Variants in AUTS2 observed in about 807,000 individuals in gnomAD.
AUTS2 encodes activator of transcription and developmental regulator AUTS2.
A neutral mutation model predicts 112.4 loss-of-function variants in AUTS2; 17 were observed. The observed-to-expected ratio is 0.15, with a 90% CI of 0.10 to 0.23. The LOEUF (loss-of-function observed/expected upper bound fraction) is 0.23, where lower values mean the gene tolerates loss of function less well. Among genes scored for constraint, AUTS2 ranks in the 10% least tolerant of loss-of-function variants. The pLI is 1.00. For missense variants in AUTS2, 1,510 were observed against 1,701.6 expected, an observed-to-expected ratio of 0.89 and a Z score of 1.98; for synonymous variants, 751 against 702.7, an observed-to-expected ratio of 1.07 and a Z score of -1.09.
At chr7:70,597,820 A>G (rs964485448) in intron 5 of AUTS2, among the ~76,000 whole-genome samples, 2 of 152,228 alleles carry the variant, frequency 1.3e-5, no homozygotes, top group African/African-American at 4.8e-5. Context: ...GATAATTAGC[A>G]CTTCAAGTAA....
intron 2 of AUTS2, among the ~76,000 whole-genome samples, chr7:70,022,891 G>T (rs926699934): frequency 2.0e-5 from 3 of 151,416 alleles, no homozygotes; most frequent in Admixed American, 1.3e-4. Flanking sequence ...TTGCTTTCTC[G>T]CCCAGGCCGG....
intron 4 of AUTS2, among the ~76,000 whole-genome samples, chr7:70,246,014 T>C (rs1338563788): frequency 6.6e-6 from 1 of 152,160 alleles, no homozygotes; most frequent in Non-Finnish European, 1.5e-5. Context: ...CTGAGCATGT[T>C]CTTTTGGGTT....
intron 1 of AUTS2, among the ~76,000 whole-genome samples, chr7:69,643,802 T>C (rs1235927775): frequency 6.6e-6 from 1 of 152,136 alleles, no homozygotes; most frequent in Non-Finnish European, 1.5e-5. Flanking sequence ...ATGTTGAAGC[T>C]CTAACCTCCA....
chr7:70,508,996 G>A (rs995247975), intron 5 of AUTS2, among the ~76,000 whole-genome samples: 3 of 152,154 alleles, frequency 2.0e-5, no homozygotes, highest in African/African-American at 7.2e-5. Context: ...CCCTATGGTT[G>A]CATACTTTTC....
intron 5 of AUTS2, among the ~76,000 whole-genome samples, chr7:70,509,082 A>G (rs1027733283): frequency 1.3e-5 from 2 of 152,206 alleles, no homozygotes; most frequent in Non-Finnish European, 2.9e-5. Context: ...TTCTCAAACC[A>G]CAGAAAGGAA....
chr7:70,290,668 A>T, intron 4 of AUTS2: 1 of 1,352,234 alleles, frequency 7.4e-7, no homozygotes, highest in Non-Finnish European at 9.4e-7. Context: ...TCTTTTCTCC[A>T]TTCCTCATCC....
chr7:69,871,596 G>GTC (rs937399498), intron 1 of AUTS2, among the ~76,000 whole-genome samples: 6 of 152,112 alleles, frequency 3.9e-5, no homozygotes, highest in African/African-American at 1.4e-4. Context: ...TGTGAATGTG[G>GTC]TCTCTCTCTC....
chr7:69,599,944 C>T lies in AUTS2; in HGVS notation c.291C>T (p.Val97=). 6.2e-7 allele frequency: 1 copy of T among 1,613,536 alleles called. No homozygotes were observed. Among genetic ancestry groups the T allele is most frequent in the Non-Finnish European group, 8.5e-7 (1 of 1,179,888 alleles). The change falls in exon 1 of 19, where the codon GTC becomes GTT. Residue 97 remains valine (V), a synonymous_variant. Transcript: ENST00000342771. The surrounding 1 kb of genome is among the most constrained non-coding windows in gnomAD (Gnocchi z 7.0). ...IIDGFAMTSF[V]TFEALEKDVA... ...ATGGATTTGCCATGACCAGCTTTGT[C>T]ACTTTTGAAGCGCTGGAGGTAAGGG...
intron 2 of AUTS2, among the ~76,000 whole-genome samples, chr7:69,928,437 G>C (rs541277247): frequency 1.8e-4 from 27 of 152,264 alleles, no homozygotes; most frequent in African/African-American, 6.0e-4. Context: ...TCAACATGCT[G>C]TCCACAGTAA....
chr7:70,313,773 G>A (rs1193363667), intron 4 of AUTS2, among the ~76,000 whole-genome samples: 1 of 152,134 alleles, frequency 6.6e-6, no homozygotes, highest in East Asian at 1.9e-4. Flanking sequence ...GTCTTAAATT[G>A]CAAAGAATTT....
At chr7:69,973,659 G>T (rs947730565) in intron 2 of AUTS2, among the ~76,000 whole-genome samples, 8 of 151,882 alleles carry the variant, frequency 5.3e-5, no homozygotes, top group African/African-American at 1.9e-4. Context: ...GTAGAATTTT[G>T]CCAAATGCTT....
chr7:70,151,530 A>G lies in AUTS2; in HGVS notation c.660+16959A>G, dbSNP rs149336856. Among the ~76,000 whole-genome samples, 173 of 152,196 alleles carry G rather than the reference A, an allele frequency of 1.1e-3. 1 individual carries two copies. The highest frequency in any genetic ancestry group is 2.3e-3 in the Non-Finnish European group (155 of 68,014). On this transcript the variant is annotated intron_variant, in intron 4 of 18. Transcript: ENST00000342771. Reference sequence around the variant, plus strand: ...TTCTTGTTGCCCAAGCTGGAGTGCAATGGTACTATTGTGGCCCACTGCAAC... The same window carrying G: ...TTCTTGTTGCCCAAGCTGGAGTGCAGTGGTACTATTGTGGCCCACTGCAAC...
At chr7:69,988,099 C>T (rs1270101702) in intron 2 of AUTS2, among the ~76,000 whole-genome samples, 1 of 152,128 alleles carries the variant, frequency 6.6e-6, no homozygotes, top group Non-Finnish European at 1.5e-5. Flanking sequence ...TGGTAAGTGC[C>T]TCTTGAAAGG....
intron 2 of AUTS2, among the ~76,000 whole-genome samples, chr7:69,991,985 G>A (rs1434611651): frequency 6.6e-6 from 1 of 152,158 alleles, no homozygotes; most frequent in Non-Finnish European, 1.5e-5. Flanking sequence ...GCATACTTAT[G>A]TAAGTGTTGC....
intron 5 of AUTS2, among the ~76,000 whole-genome samples, chr7:70,509,099 C>G (rs1382420049): frequency 6.6e-6 from 1 of 152,140 alleles, no homozygotes; most frequent in Non-Finnish European, 1.5e-5. Context: ...GGAATTTTCC[C>G]ACAATAATAA....
At chr7:69,903,283 T>C (rs1795037596) in intron 2 of AUTS2, among the ~76,000 whole-genome samples, 1 of 152,210 alleles carries the variant, frequency 6.6e-6, no homozygotes, top group South Asian at 2.1e-4. Flanking sequence ...AAATTATAAC[T>C]TCCTGAGAAG....
At chr7:70,520,411 G>C (rs558998813) in intron 5 of AUTS2, among the ~76,000 whole-genome samples, 1 of 152,060 alleles carries the variant, frequency 6.6e-6, no homozygotes, top group Non-Finnish European at 1.5e-5. Flanking sequence ...CCTGGAAAAC[G>C]CTAAATATGT....
chr7:69,630,155 G>T (rs1794160676), intron 1 of AUTS2, among the ~76,000 whole-genome samples: 1 of 152,138 alleles, frequency 6.6e-6, no homozygotes, highest in Admixed American at 6.5e-5. Flanking sequence ...TACTCTGGAG[G>T]CTGAGACAGG....
chr7:69,818,834 T>A (rs1226390184), intron 1 of AUTS2, among the ~76,000 whole-genome samples: 1 of 152,262 alleles, frequency 6.6e-6, no homozygotes, highest in African/African-American at 2.4e-5. Flanking sequence ...TCTATGCTCA[T>A]AAACACCTGG....
Sources: gnomAD v4.1 joint callset for allele counts (sites outside exome capture counted in the v4.1 genomes callset) on GRCh38, gnomAD v4.1.1 for gene constraint, Gnocchi (gnomAD v3.1) non-coding constraint, MANE v1.5 for transcripts, NCBI Gene and HGNC (gene_info 2026-07-23, HGNC 2026-07-21) for gene names.